CAMKMT: variants seen among roughly 807,000 people sequenced by gnomAD.
CAMKMT encodes CaM KMT.
Under a neutral mutation model 48.0 loss-of-function variants are expected in CAMKMT, and 53 were observed. That is an observed-to-expected ratio of 1.10 (90% CI 0.89 to 1.39). The LOEUF (loss-of-function observed/expected upper bound fraction) is 1.39. CAMKMT is among the 40% of genes most tolerant of loss of function. The pLI, the probability that CAMKMT is intolerant of heterozygous loss-of-function variation, is 0.00. For synonymous variants in CAMKMT, 165 were observed against 152.3 expected (o/e 1.08, Z -0.61); for missense variants, 428 against 402.7 (o/e 1.06, Z -0.54).
At chr2:44,563,211 A>C (rs1007401901) in intron 3 of CAMKMT, among the ~76,000 whole-genome samples, 2 of 148,576 alleles carry the variant, frequency 1.3e-5, no homozygotes, top group Non-Finnish European at 3.0e-5. Flanking sequence ...TCTCTTCGGG[A>C]TGTATTTCCC....
rs200971840 is a variant in CAMKMT at position 44,744,794 on chromosome 2, G to GA, written c.698+1107dup. On this transcript the variant is annotated intron_variant, in intron 8 of 10. Coordinates refer to ENST00000378494, the MANE Select transcript of CAMKMT (RefSeq NM_024766.5). ...GAATTAGGTTTGCTTTTTTTCTTCA[G>GA]AAAAAAAAACACTTCTCCATGAAAA... is the stretch of plus-strand genomic sequence containing the variant. Among the ~76,000 whole-genome samples the GA allele has an allele frequency of 5.0e-4, 73 of 147,326 alleles. No homozygotes were observed. The East Asian group carries it at 8.8e-3, about 18-fold the overall frequency.
At chr2:44,371,486 A>G (rs1679175724) in intron 1 of CAMKMT, among the ~76,000 whole-genome samples, 1 of 152,158 alleles carries the variant, frequency 6.6e-6, no homozygotes, top group Admixed American at 6.5e-5. Flanking sequence ...CTAGTTTCCA[A>G]ATATATTTGG....
intron 3 of CAMKMT, among the ~76,000 whole-genome samples, chr2:44,394,038 A>G (rs1681594951): frequency 6.6e-6 from 1 of 152,196 alleles, no homozygotes; most frequent in Non-Finnish European, 1.5e-5. Context: ...GGTCTGTAGT[A>G]GATTCATTGG....
intron 3 of CAMKMT, among the ~76,000 whole-genome samples, chr2:44,700,633 C>G (rs1677204721): frequency 6.6e-6 from 1 of 152,164 alleles, no homozygotes; most frequent in African/African-American, 2.4e-5. Context: ...ATTAAGTTTG[C>G]TAGCTATCTT....
At chr2:44,702,154 G>T (rs923972057) in intron 3 of CAMKMT, among the ~76,000 whole-genome samples, 2 of 151,958 alleles carry the variant, frequency 1.3e-5, no homozygotes, top group Non-Finnish European at 2.9e-5. Flanking sequence ...CAAGCTAAAG[G>T]CATAAAGAAA....
intron 3 of CAMKMT, among the ~76,000 whole-genome samples, chr2:44,400,230 A>G (rs73924735): frequency 0.021 from 3,132 of 152,270 alleles, 113 homozygotes; most frequent in African/African-American, 0.071. Flanking sequence ...ACTAATAGAA[A>G]CTGAGTTCAG....
At chr2:44,436,725 T>C (rs938822760) in intron 3 of CAMKMT, among the ~76,000 whole-genome samples, 1 of 152,144 alleles carries the variant, frequency 6.6e-6, no homozygotes, top group Non-Finnish European at 1.5e-5. Flanking sequence ...GTATCTATTC[T>C]CTCAGGACTA....
At chr2:44,526,723 C>T (rs986905298) in intron 3 of CAMKMT, among the ~76,000 whole-genome samples, 3 of 152,100 alleles carry the variant, frequency 2.0e-5, no homozygotes, top group African/African-American at 7.2e-5. Flanking sequence ...ATTTTTTTTA[C>T]AGTCTACTGA....
intron 3 of CAMKMT, among the ~76,000 whole-genome samples, chr2:44,402,083 T>G (rs1277652253): frequency 6.6e-6 from 1 of 152,098 alleles, no homozygotes; most frequent in African/African-American, 2.4e-5. Context: ...TCCCAGGACT[T>G]TGGGAGGCCA....
At chr2:44,534,362 A>C (rs1666651547) in intron 3 of CAMKMT, among the ~76,000 whole-genome samples, 1 of 152,198 alleles carries the variant, frequency 6.6e-6, no homozygotes, top group Admixed American at 6.5e-5. Flanking sequence ...CATTGGGTTT[A>C]AACTGGACTT....
chr2:44,627,697 C>CTTTTTTTTTTTTTTTTTTTTT (rs1174344846), intron 3 of CAMKMT, among the ~76,000 whole-genome samples: 3 of 75,098 alleles, frequency 4.0e-5, no homozygotes, highest in Admixed American at 1.7e-4. Flanking sequence ...CCATTTTATC[C>CTTTTTTTTTTTTTTTTTTTTT]TTTTTTTTTT....
intron 3 of CAMKMT, among the ~76,000 whole-genome samples, chr2:44,444,866 G>A (rs1334881332): frequency 6.6e-6 from 1 of 152,108 alleles, no homozygotes; most frequent in Non-Finnish European, 1.5e-5. Flanking sequence ...CATCCAAGGA[G>A]GACTCAATTC....
chr2:44,599,360 T>C (rs566603343), intron 3 of CAMKMT, among the ~76,000 whole-genome samples: 10 of 152,274 alleles, frequency 6.6e-5, no homozygotes, highest in Non-Finnish European at 1.3e-4. Context: ...TATTTTCTTC[T>C]GACCATCTGG....
At chr2:44,434,191 G>T (rs1684813535) in intron 3 of CAMKMT, among the ~76,000 whole-genome samples, 1 of 151,240 alleles carries the variant, frequency 6.6e-6, no homozygotes. Flanking sequence ...AAGAAACCAA[G>T]TATTCAACTG....
intron 3 of CAMKMT, among the ~76,000 whole-genome samples, chr2:44,407,103 C>T (rs948374215): frequency 6.6e-6 from 1 of 152,144 alleles, no homozygotes; most frequent in Non-Finnish European, 1.5e-5. Flanking sequence ...TCAATTTAGG[C>T]AGTAGTGAAA....
chr2:44,573,220 A>G (rs1669022374), intron 3 of CAMKMT, among the ~76,000 whole-genome samples: 1 of 152,064 alleles, frequency 6.6e-6, no homozygotes, highest in South Asian at 2.1e-4. Context: ...CTGTTTGGCC[A>G]TCTGTATATT....
intron 3 of CAMKMT, among the ~76,000 whole-genome samples, chr2:44,634,238 C>T (rs112583610): frequency 6.6e-6 from 1 of 151,856 alleles, no homozygotes; most frequent in Non-Finnish European, 1.5e-5. Context: ...GGTATTGTGC[C>T]CTGAAAATTC....
intron 3 of CAMKMT, among the ~76,000 whole-genome samples, chr2:44,531,289 T>A (rs1666471243): frequency 6.6e-6 from 1 of 152,138 alleles, no homozygotes; most frequent in African/African-American, 2.4e-5. Context: ...AGAGTTCAAA[T>A]CCTGGAAATA....
chr2:44,458,758 G>A (rs1034088746), intron 3 of CAMKMT, among the ~76,000 whole-genome samples: 2 of 152,136 alleles, frequency 1.3e-5, no homozygotes, highest in South Asian at 4.1e-4. Context: ...TCGATAAAAG[G>A]CGATTACAAG....
Sources: allele counts gnomAD v4.1 joint callset (sites outside exome capture counted in the v4.1 genomes callset), GRCh38; gene constraint gnomAD v4.1.1; transcripts MANE v1.5; gene names NCBI Gene and HGNC (gene_info 2026-07-23, HGNC 2026-07-21).